The following MCTP1 variants were observed in gnomAD, a reference collection of about 807,000 sequenced individuals.
The protein encoded by MCTP1 is multiple C2 and transmembrane domain containing 1.
A neutral mutation model predicts 120.6 loss-of-function variants in MCTP1; 69 were observed. That is an observed-to-expected ratio of 0.57 (90% confidence interval 0.47 to 0.70). The LOEUF (loss-of-function observed/expected upper bound fraction) is 0.70, where lower values mean the gene tolerates loss of function less well. Ranked by LOEUF, MCTP1 falls within the 30% of genes least tolerant of loss-of-function variation. The pLI is 0.00. For synonymous variants in MCTP1, 529 were observed against 493.1 expected, an observed-to-expected ratio of 1.07 and a Z score of -0.96; for missense variants, 1,203 against 1,248.8, an observed-to-expected ratio of 0.96 and a Z score of 0.55.
chr5:95,214,757 T>C (rs551910958), intron 1 of MCTP1, among the ~76,000 whole-genome samples: 2 of 150,508 alleles, frequency 1.3e-5, no homozygotes, highest in Non-Finnish European at 2.9e-5. Flanking sequence ...CAGCAAACTA[T>C]GGCAAGGACA....
intron 17 of MCTP1, among the ~76,000 whole-genome samples, chr5:94,858,508 G>T (rs187140359): frequency 4.4e-4 from 67 of 151,712 alleles, no homozygotes; most frequent in Admixed American, 1.8e-3. Flanking sequence ...AAATACCAAG[G>T]ACCAGGAGTC....
chr5:94,755,824 T>A (rs187573488), intron 19 of MCTP1, among the ~76,000 whole-genome samples: 25 of 152,314 alleles, frequency 1.6e-4, no homozygotes, highest in Admixed American at 6.5e-4. Flanking sequence ...TAATGGGTAA[T>A]TCTCAAATTT....
At chr5:95,214,778 C>T (rs887294668) in intron 1 of MCTP1, among the ~76,000 whole-genome samples, 1 of 148,572 alleles carries the variant, frequency 6.7e-6, no homozygotes, top group African/African-American at 2.5e-5. Flanking sequence ...AAAAACCAAA[C>T]ACTGCATGTT....
At chr5:94,920,647 T>A (rs1035804017) in intron 7 of MCTP1, among the ~76,000 whole-genome samples, 6 of 151,322 alleles carry the variant, frequency 4.0e-5, no homozygotes, top group Non-Finnish European at 8.8e-5. Flanking sequence ...GAGGCTGAGG[T>A]AGGAGAATGG....
intron 1 of MCTP1, among the ~76,000 whole-genome samples, chr5:95,248,237 C>T (rs1054091609): frequency 1.3e-5 from 2 of 152,174 alleles, no homozygotes; most frequent in African/African-American, 4.8e-5. Context: ...CAAATTGTCT[C>T]TGTTTGCAGA....
intron 1 of MCTP1, among the ~76,000 whole-genome samples, chr5:95,017,877 T>C (rs998778967): frequency 5.9e-5 from 9 of 152,086 alleles, no homozygotes; most frequent in Admixed American, 1.3e-4. Flanking sequence ...AACTGGAAAT[T>C]AAAATTAAAA....
At chr5:94,713,583 C>T (rs1757882718) in intron 20 of MCTP1, among the ~76,000 whole-genome samples, 1 of 152,164 alleles carries the variant, frequency 6.6e-6, no homozygotes, top group Admixed American at 6.5e-5. Flanking sequence ...GGGCTTCACA[C>T]TGTTTCAGTG....
chr5:94,755,466 C>A (rs1015063257), intron 19 of MCTP1, among the ~76,000 whole-genome samples: 1 of 152,206 alleles, frequency 6.6e-6, no homozygotes, highest in African/African-American at 2.4e-5. Flanking sequence ...TTCACACCAG[C>A]TGCCTCTCAT....
chr5:94,956,737 T>C (rs930384210), intron 2 of MCTP1, among the ~76,000 whole-genome samples: 1 of 151,194 alleles, frequency 6.6e-6, no homozygotes, highest in Non-Finnish European at 1.5e-5. Flanking sequence ...TGAAAAGGAA[T>C]GAACAAAGCC....
rs1272571503 is a variant in MCTP1, at chr5:94,707,423, ATGC to A, written c.*70_*72del. ...TAAATAAAAAGCAGAAAGAAAGGAA[ATGC>A]TGCTGAGGCTGAGGGCTTTTTCTTT... On this transcript the variant is annotated 3_prime_UTR_variant, in exon 23 of 23. Transcript: ENST00000515393. 8.8e-7 allele frequency: 1 copy of A among 1,131,238 alleles called. No individual in the cohort carries two copies. The highest frequency in any genetic ancestry group is 1.3e-5 in the South Asian group (1 of 74,504). 70.1% of individuals were successfully genotyped at this position (1,131,238 alleles called of 1,614,324 possible).
chr5:94,846,889 A>G (rs776877081), intron 17 of MCTP1, among the ~76,000 whole-genome samples: 4 of 151,954 alleles, frequency 2.6e-5, no homozygotes, highest in Non-Finnish European at 5.9e-5. Context: ...CATCCAGTAG[A>G]GTGAACAGTG....
chr5:94,980,416 A>G (rs554542270), intron 2 of MCTP1, among the ~76,000 whole-genome samples: 1 of 152,172 alleles, frequency 6.6e-6, no homozygotes, highest in Non-Finnish European at 1.5e-5. Context: ...ACACATGATC[A>G]TATAGACGGA....
intron 1 of MCTP1, among the ~76,000 whole-genome samples, chr5:95,095,270 G>A (rs1756162391): frequency 6.6e-6 from 1 of 151,808 alleles, no homozygotes; most frequent in Admixed American, 6.6e-5. Flanking sequence ...TGATCCACCC[G>A]CCTCGGCCTC....
At chr5:95,089,968 G>C (rs566891653) in intron 1 of MCTP1, among the ~76,000 whole-genome samples, 19 of 152,190 alleles carry the variant, frequency 1.2e-4, no homozygotes, top group Middle Eastern at 3.4e-3. Flanking sequence ...TTGAATTCTC[G>C]ACACAGCCCC....
chr5:94,758,867 C>T (rs1381712028), intron 19 of MCTP1, among the ~76,000 whole-genome samples: 3 of 152,008 alleles, frequency 2.0e-5, no homozygotes, highest in Non-Finnish European at 4.4e-5. Context: ...TAGGAAAAAA[C>T]ATCTGAAATC....
At chr5:94,796,830 CGTT>C (rs1283089342) in intron 18 of MCTP1, among the ~76,000 whole-genome samples, 1 of 151,532 alleles carries the variant, frequency 6.6e-6, no homozygotes, top group Non-Finnish European at 1.5e-5. Context: ...CTGAATGAAA[CGTT>C]GTGATTGCTG....
intron 17 of MCTP1, among the ~76,000 whole-genome samples, chr5:94,830,499 C>T (rs1477024793): frequency 6.6e-6 from 1 of 152,208 alleles, no homozygotes; most frequent in Non-Finnish European, 1.5e-5. Context: ...TAAAAGTTCA[C>T]ATTGGGACCA....
chr5:95,213,462 C>T (rs1752647012), intron 1 of MCTP1, among the ~76,000 whole-genome samples: 1 of 152,138 alleles, frequency 6.6e-6, no homozygotes, highest in African/African-American at 2.4e-5. Flanking sequence ...AGATTCAATG[C>T]CATCCCCATC....
intron 1 of MCTP1, among the ~76,000 whole-genome samples, chr5:95,037,013 CA>C (rs1841451636): frequency 1.3e-5 from 2 of 152,182 alleles, no homozygotes. Context: ...TCTTTGCCTT[CA>C]AAGACTATCA....
Sources: allele counts gnomAD v4.1 joint callset (sites outside exome capture counted in the v4.1 genomes callset), GRCh38; gene constraint gnomAD v4.1.1; transcripts MANE v1.5; gene names NCBI Gene and HGNC (gene_info 2026-07-23, HGNC 2026-07-21).